VPS4B: variants seen among roughly 807,000 people sequenced by gnomAD.
VPS4B encodes vacuolar protein sorting 4 homolog B.
Under a neutral mutation model 56.1 loss-of-function variants are expected in VPS4B, and 23 were observed. The ratio of observed to expected loss-of-function variants is 0.41; its 90% CI spans 0.30 to 0.58. VPS4B has a LOEUF of 0.58. Ranked by LOEUF, VPS4B falls within the 20% of genes least tolerant of loss-of-function variation. VPS4B has a pLI of 0.29. For missense variants in VPS4B, 372 were observed against 531.9 expected (o/e 0.70, Z 2.96); for synonymous variants, 177 against 186.0 (o/e 0.95, Z 0.39).
intron 1 of VPS4B, among the ~76,000 whole-genome samples, chr18:63,417,992 T>C (rs1875649637): frequency 6.6e-6 from 1 of 152,180 alleles, no homozygotes; most frequent in Non-Finnish European, 1.5e-5. Flanking sequence ...TGAGACCAAT[T>C]CTTTCTCCTC....
chr18:63,421,341 T>C (rs1397917089), intron 1 of VPS4B, among the ~76,000 whole-genome samples: 2 of 152,170 alleles, frequency 1.3e-5, no homozygotes, highest in African/African-American at 4.8e-5. Context: ...TTACCTTTGA[T>C]GCCTCTGTCA....
intron 5 of VPS4B, among the ~76,000 whole-genome samples, chr18:63,402,339 G>A (rs979176406): frequency 6.6e-6 from 1 of 152,164 alleles, no homozygotes; most frequent in Non-Finnish European, 1.5e-5. Context: ...TATGTGAGAT[G>A]ATTTAAAGTT....
At chr18:63,407,634 CTTATT>C (rs1286920743) in intron 3 of VPS4B, 135 bp from the exon 4 acceptor site, 34 of 661,564 alleles carry the variant, frequency 5.1e-5, no homozygotes, top group Non-Finnish European at 8.5e-5. Context: ...GTTATGCTTA[CTTATT>C]TTAAAGAATG....
intron 3 of VPS4B, among the ~76,000 whole-genome samples, chr18:63,407,916 G>C (rs2144428101): frequency 6.6e-6 from 1 of 152,236 alleles, no homozygotes; most frequent in Middle Eastern, 3.4e-3. Flanking sequence ...AAAAAATCTG[G>C]AACACTAAGG....
chr18:63,417,251 A>G (rs1916188693), intron 1 of VPS4B, among the ~76,000 whole-genome samples: 1 of 152,070 alleles, frequency 6.6e-6, no homozygotes, highest in Non-Finnish European at 1.5e-5. Flanking sequence ...GTTCGGTGTT[A>G]GTTCTGTTTC....
chr18:63,393,534 G>C lies in VPS4B; in HGVS notation c.1108C>G (p.Arg370Gly). 1 of 1,593,846 alleles carries C rather than the reference G, an allele frequency of 6.3e-7. No homozygotes were observed. The highest frequency in any genetic ancestry group is 8.5e-7 in the Non-Finnish European group (1 of 1,171,946). Residue 370 changes from arginine to glycine, a missense_variant, in exon 10 of 11, where the codon CGA becomes GGA. Physicochemically the swap from Arg to Gly is moderately radical, Grantham distance 125. This residue lies in a region of VPS4B where 153 missense variants were observed against 190.9 expected (regional missense o/e 0.80). Transcript: ENST00000238497. ...TCTACAAGATGGTTAGGATCAGCTC[G>C]GGAAGGTCCGCGAACCTGAAATAAA... ...THFKKVRGPSRADPNHLVDDL... is the reference protein window; with the variant it reads ...THFKKVRGPSGADPNHLVDDL...
chr18:63,403,649 C>T (rs1915858248), intron 5 of VPS4B, 58 bp downstream of exon 5: 1 of 1,510,280 alleles, frequency 6.6e-7, no homozygotes, highest in Non-Finnish European at 9.0e-7. Context: ...TGCTTCACCT[C>T]AGTCATCAAT....
chr18:63,400,000 C>G (rs759575325), intron 7 of VPS4B, 48 bp downstream of exon 7: 3 of 1,562,836 alleles, frequency 1.9e-6, no homozygotes, highest in African/African-American at 2.8e-5. Flanking sequence ...GCCTGGGCGA[C>G]AGAGTGAGAC....
chr18:63,413,119 C>T (rs1441331068), intron 1 of VPS4B, among the ~76,000 whole-genome samples: 16 of 152,138 alleles, frequency 1.1e-4, no homozygotes, highest in Non-Finnish European at 2.4e-4. Context: ...CACCCACACA[C>T]ATAAAAACAC....
intron 1 of VPS4B, among the ~76,000 whole-genome samples, chr18:63,421,893 G>GACCACCTATATC (rs1916310209): frequency 6.6e-6 from 1 of 152,144 alleles, no homozygotes; most frequent in African/African-American, 2.4e-5. Flanking sequence ...ATCTTCAACT[G>GACCACCTATATC]GTCCAGAATA....
At chr18:63,412,835 T>C (rs753977557) in intron 1 of VPS4B, among the ~76,000 whole-genome samples, 2 of 151,910 alleles carry the variant, frequency 1.3e-5, no homozygotes, top group African/African-American at 4.8e-5. Context: ...CTAAAACTTT[T>C]AGAAAAAACA....
Position 63,413,529 on chromosome 18 carries a change from A to T in VPS4B, c.28-1951T>A, listed in dbSNP as rs951791806. Among the ~76,000 whole-genome samples, 15 of 138,628 alleles carry T rather than the reference A, an allele frequency of 1.1e-4. 1 individual carries two copies. In the South Asian group the frequency reaches 1.8e-3, roughly 17 times the overall value. 90.9% of individuals were successfully genotyped at this position (138,628 alleles called of 152,430 possible). A position where few individuals can be genotyped will look rare whatever the true frequency, so the allele number is the denominator to read the frequency against. Reference sequence around the variant, plus strand: ...ACTCCAGCCTGGGCAACAGAGTGAGACTCCACCTCAAAAAAAAAAAAAAAA... The same window carrying T: ...ACTCCAGCCTGGGCAACAGAGTGAGTCTCCACCTCAAAAAAAAAAAAAAAA... On this transcript the variant is annotated intron_variant, in intron 1 of 10. Transcript: ENST00000238497.
intron 1 of VPS4B, among the ~76,000 whole-genome samples, chr18:63,411,812 G>A (rs556016997): frequency 6.6e-6 from 1 of 152,090 alleles, no homozygotes; most frequent in African/African-American, 2.4e-5. Flanking sequence ...CATGTTATAG[G>A]AATAAATGCT....
At chr18:63,400,783 G>T in intron 5 of VPS4B, 80 bp from the exon 6 acceptor site, 1 of 1,340,486 alleles carries the variant, frequency 7.5e-7, no homozygotes, top group Non-Finnish European at 1.0e-6. Context: ...ACTCTGGAAA[G>T]ATTTTCACTC....
intron 1 of VPS4B, among the ~76,000 whole-genome samples, chr18:63,417,951 C>A (rs147273814): frequency 6.6e-6 from 1 of 152,324 alleles, no homozygotes; most frequent in African/African-American, 2.4e-5. Flanking sequence ...CAATTACCTA[C>A]CTCAGAAGAG....
chr18:63,403,948 A>T (rs979801185), intron 4 of VPS4B, 122 bp from the exon 5 acceptor site: 1 of 1,130,528 alleles, frequency 8.8e-7, no homozygotes, highest in Non-Finnish European at 1.2e-6. Context: ...TGTACTAACA[A>T]CCTTTTTGAA....
At chr18:63,403,899 G>T in intron 4 of VPS4B, 73 bp from the exon 5 acceptor site, 1 of 1,492,138 alleles carries the variant, frequency 6.7e-7, no homozygotes, top group Non-Finnish European at 9.0e-7. Flanking sequence ...ATGAAATAAT[G>T]ATGTTAAAGA....
chr18:63,396,944 A>G, intron 9 of VPS4B, 90 bp downstream of exon 9: 1 of 1,278,196 alleles, frequency 7.8e-7, no homozygotes, highest in South Asian at 1.3e-5. Flanking sequence ...AAGCCCAGAT[A>G]GTGCCACTGC....
At chr18:63,401,188 T>C (rs1568085812) in intron 5 of VPS4B, among the ~76,000 whole-genome samples, 1 of 152,248 alleles carries the variant, frequency 6.6e-6, no homozygotes, top group Non-Finnish European at 1.5e-5. Flanking sequence ...GGATGACTTG[T>C]GAGTTTCTGC....
Sources: gnomAD v4.1 joint callset for allele counts (sites outside exome capture counted in the v4.1 genomes callset) on GRCh38, gnomAD v4.1.1 for gene constraint, gnomAD v4.1.1 regional missense constraint, MANE v1.5 for transcripts, NCBI Gene and HGNC (gene_info 2026-07-23, HGNC 2026-07-21) for gene names.